The following CCDC85A variants were observed in gnomAD, a reference collection of about 807,000 sequenced individuals.
CCDC85A encodes the protein coiled-coil domain containing 85A, also known as coiled-coil domain-containing protein 85A.
A neutral mutation model predicts 50.2 loss-of-function variants in CCDC85A; 38 were observed. The observed-to-expected ratio is 0.76, with a 90% confidence interval of 0.58 to 0.99. CCDC85A has a LOEUF of 0.99. Ranked by LOEUF, CCDC85A falls within the 50% of genes least tolerant of loss-of-function variation. The pLI, the probability that CCDC85A is intolerant of heterozygous loss-of-function variation, is 0.00. For missense variants in CCDC85A, 820 were observed against 742.0 expected, an observed-to-expected ratio of 1.11 and a Z score of -1.22; for synonymous variants, 366 against 301.4, an observed-to-expected ratio of 1.21 and a Z score of -2.22.
intron 5 of CCDC85A, among the ~76,000 whole-genome samples, chr2:56,378,214 T>A (rs1304394862): frequency 6.6e-6 from 1 of 152,226 alleles, no homozygotes; most frequent in African/African-American, 2.4e-5. Flanking sequence ...ATGTCTATTG[T>A]GAAAAGAATA....
At chr2:56,267,076 G>A (rs1374937769) in intron 2 of CCDC85A, among the ~76,000 whole-genome samples, 1 of 152,040 alleles carries the variant, frequency 6.6e-6, no homozygotes, top group Non-Finnish European at 1.5e-5. Context: ...AGTGTTGTAT[G>A]TAATTATGGA....
intron 3 of CCDC85A, among the ~76,000 whole-genome samples, chr2:56,343,555 C>T (rs1004134907): frequency 2.0e-5 from 3 of 152,148 alleles, no homozygotes; most frequent in Admixed American, 6.5e-5. Context: ...TTATAAAATT[C>T]TTTCCATGGG....
intron 2 of CCDC85A, among the ~76,000 whole-genome samples, chr2:56,327,660 T>C (rs184249484): frequency 2.2e-4 from 34 of 152,148 alleles, no homozygotes; most frequent in African/African-American, 7.9e-4. Flanking sequence ...CATGGTATAG[T>C]TCACCCACTT....
At chr2:56,355,555 G>A (rs1227711362) in intron 3 of CCDC85A, among the ~76,000 whole-genome samples, 3 of 151,848 alleles carry the variant, frequency 2.0e-5, no homozygotes, top group South Asian at 2.1e-4. Context: ...TTCTCTTTAC[G>A]ATTTTTGTAA....
intron 3 of CCDC85A, among the ~76,000 whole-genome samples, chr2:56,348,167 A>G (rs996381521): frequency 6.6e-6 from 1 of 152,188 alleles, no homozygotes; most frequent in African/African-American, 2.4e-5. Flanking sequence ...CATTTGTTAA[A>G]AGTCCTATTA....
At chr2:56,302,916 A>G (rs551542075) in intron 2 of CCDC85A, among the ~76,000 whole-genome samples, 1 of 152,300 alleles carries the variant, frequency 6.6e-6, no homozygotes, top group South Asian at 2.1e-4. Flanking sequence ...AGACAAATCA[A>G]CAGGCTTCAT....
chr2:56,364,045 G>T (rs1675667958), intron 3 of CCDC85A, among the ~76,000 whole-genome samples: 5 of 152,116 alleles, frequency 3.3e-5, no homozygotes, highest in African/African-American at 1.2e-4. Flanking sequence ...GTTTCTCACT[G>T]GGAGTTCTAT....
At position 56,184,657 on chromosome 2, in the gene CCDC85A, T is replaced by C. The variant is rs549078505; in HGVS notation, c.33T>C (p.Ala11=). The C allele has an allele frequency of 7.3e-4, 1,057 of 1,448,548 alleles. 11 individuals are homozygous for C. The South Asian group carries it at 8.8e-3, about 12-fold the overall frequency. 89.7% of individuals were successfully genotyped at this position (1,448,548 alleles called of 1,614,324 possible). A position where few individuals can be genotyped will look rare whatever the true frequency, so the allele number is the denominator to read the frequency against. Residue 11 remains alanine (A), a synonymous_variant, in exon 1 of 6, where the codon GCT becomes GCC. Transcript: ENST00000407595. ...AGGCGGCCGGAGGCGCGGCGGCGGC[T>C]GCGGCGGCGGCGGAAAGTTGTTCCC... MSKAAGGAAA[A]AAAAESCSPA...
intron 5 of CCDC85A, among the ~76,000 whole-genome samples, chr2:56,377,853 ACTCCAGC>A (rs1266335774): frequency 6.7e-6 from 1 of 150,352 alleles, no homozygotes; most frequent in East Asian, 2.0e-4. Flanking sequence ...GTGCCATTGC[ACTCCAGC>A]CTGGGTGACA....
intron 2 of CCDC85A, among the ~76,000 whole-genome samples, chr2:56,259,865 A>T (rs13026932): frequency 0.8 from 121,920 of 152,180 alleles, 49,079 homozygotes; most frequent in Non-Finnish European, 0.84. Flanking sequence ...TTCTGGACAC[A>T]GAATGCTAAA....
intron 3 of CCDC85A, among the ~76,000 whole-genome samples, chr2:56,370,663 A>G (rs1676026750): frequency 6.6e-6 from 1 of 152,134 alleles, no homozygotes; most frequent in Non-Finnish European, 1.5e-5. Flanking sequence ...AATTATTGTG[A>G]GTTCTCTACA....
At chr2:56,375,367 C>G (rs1237938039) in intron 4 of CCDC85A, among the ~76,000 whole-genome samples, 1 of 152,142 alleles carries the variant, frequency 6.6e-6, no homozygotes, top group African/African-American at 2.4e-5. Flanking sequence ...ATAGGTCTTT[C>G]CCTCAAAGAA....
At chr2:56,290,112 C>G (rs561933622) in intron 2 of CCDC85A, among the ~76,000 whole-genome samples, 5 of 152,234 alleles carry the variant, frequency 3.3e-5, no homozygotes, top group South Asian at 2.1e-4. Flanking sequence ...TAATTCTCTT[C>G]TTTTATTCTT....
intron 2 of CCDC85A, among the ~76,000 whole-genome samples, chr2:56,315,415 A>T (rs562634014): frequency 6.6e-6 from 1 of 152,164 alleles, no homozygotes; most frequent in Non-Finnish European, 1.5e-5. Flanking sequence ...GAATCAAGTT[A>T]TGGTAATAAT....
chr2:56,196,330 G>C lies in CCDC85A; in HGVS notation c.1240+2890G>C, dbSNP rs58813984. Among the ~76,000 whole-genome samples the C allele has an allele frequency of 1.6e-3, 251 of 152,286 alleles. 1 individual carries two copies. Among genetic ancestry groups the C allele is most frequent in the African/African-American group, 5.8e-3 (240 of 41,554 alleles). ...GAGTTCCGTTTTCAAATAGGAAGTA[G>C]ATTCAACACTTACCACATCTAGGCA... On this transcript the variant is annotated intron_variant, in intron 2 of 5. Transcript: ENST00000407595.
At chr2:56,244,182 C>T (rs1473158768) in intron 2 of CCDC85A, among the ~76,000 whole-genome samples, 1 of 152,126 alleles carries the variant, frequency 6.6e-6, no homozygotes, top group Non-Finnish European at 1.5e-5. Flanking sequence ...GGGCTCTAGG[C>T]AGGTTCAGAG....
At chr2:56,280,191 G>C (rs1038211840) in intron 2 of CCDC85A, among the ~76,000 whole-genome samples, 1 of 152,072 alleles carries the variant, frequency 6.6e-6, no homozygotes, top group Non-Finnish European at 1.5e-5. Flanking sequence ...TCATGCACTT[G>C]TGCTGGCCTA....
intron 2 of CCDC85A, among the ~76,000 whole-genome samples, chr2:56,333,035 A>C (rs1558645900): frequency 6.6e-6 from 1 of 152,244 alleles, no homozygotes; most frequent in East Asian, 1.9e-4. Context: ...ATGTCAGTTA[A>C]CATGATAGAC....
At chr2:56,253,453 G>C (rs1487972047) in intron 2 of CCDC85A, among the ~76,000 whole-genome samples, 1 of 152,088 alleles carries the variant, frequency 6.6e-6, no homozygotes, top group African/African-American at 2.4e-5. Context: ...GAAAGAGAAG[G>C]GCTCCTAGTA....
Sources: allele counts gnomAD v4.1 joint callset (sites outside exome capture counted in the v4.1 genomes callset), GRCh38; gene constraint gnomAD v4.1.1; transcripts MANE v1.5; gene names NCBI Gene and HGNC (gene_info 2026-07-23, HGNC 2026-07-21).